The following ATOSA variants were observed in gnomAD, a reference collection of about 807,000 sequenced individuals.
ATOSA encodes the protein atos homolog A.
At chr15:52,709,472 A>G in the ATOSA span, among the ~76,000 whole-genome samples, 5 of 152,352 alleles carry the variant, frequency 3.3e-5, no homozygotes, top group East Asian at 9.6e-4. Flanking sequence ...TACTGGTTTA[A>G]AAACTACAAG....
At chr15:52,681,223 G>A in the ATOSA span, among the ~76,000 whole-genome samples, 1 of 152,088 alleles carries the variant, frequency 6.6e-6, no homozygotes, top group Non-Finnish European at 1.5e-5. Context: ...AAATCATTAT[G>A]GCAGCAGAAA....
the ATOSA span, among the ~76,000 whole-genome samples, chr15:52,661,068 A>T: frequency 6.6e-6 from 1 of 152,212 alleles, no homozygotes; most frequent in East Asian, 1.9e-4. Flanking sequence ...TAAAGAAAAA[A>T]ATTGTCCTCT....
At chr15:52,627,173 GT>G in the ATOSA span, among the ~76,000 whole-genome samples, 3 of 152,162 alleles carry the variant, frequency 2.0e-5, no homozygotes, top group Non-Finnish European at 4.4e-5. Flanking sequence ...TACTTTCAAA[GT>G]TGCAAAAGAA....
At chr15:52,677,894 CAT>C in the ATOSA span, 2 of 1,388,768 alleles carry the variant, frequency 1.4e-6, no homozygotes, top group South Asian at 2.3e-5. Context: ...CAGATAATCA[CAT>C]ATGATACAGA....
chr15:52,692,122 G>A, the ATOSA span, among the ~76,000 whole-genome samples: 1 of 151,976 alleles, frequency 6.6e-6, no homozygotes, highest in African/African-American at 2.4e-5. Context: ...TATAAACAGA[G>A]AAACAAAAAT....
the ATOSA span, among the ~76,000 whole-genome samples, chr15:52,705,723 A>T: frequency 6.6e-6 from 1 of 152,180 alleles, no homozygotes; most frequent in African/African-American, 2.4e-5. Flanking sequence ...GGGCTCTCTT[A>T]TCTTTAATGT....
the ATOSA span, among the ~76,000 whole-genome samples, chr15:52,659,202 G>A: frequency 6.6e-6 from 1 of 152,064 alleles, no homozygotes; most frequent in Non-Finnish European, 1.5e-5. Context: ...ACAAGTTTCT[G>A]AGGGCAGAGG....
At chr15:52,687,587 A>C in the ATOSA span, among the ~76,000 whole-genome samples, 2 of 152,372 alleles carry the variant, frequency 1.3e-5, no homozygotes, top group East Asian at 3.9e-4. Context: ...AGACAGGCAA[A>C]GTGGGGTAGG....
chr15:52,650,660 C>T, the ATOSA span, among the ~76,000 whole-genome samples: 1 of 152,084 alleles, frequency 6.6e-6, no homozygotes, highest in Admixed American at 6.6e-5. Context: ...AAAAGAACAA[C>T]AACAAAACCC....
the ATOSA span, among the ~76,000 whole-genome samples, chr15:52,595,958 T>A: frequency 1.9e-4 from 29 of 151,858 alleles, no homozygotes; most frequent in South Asian, 2.1e-4. Flanking sequence ...AAAAATTTTT[T>A]AAAAAATTAG....
At chr15:52,595,748 A>T in the ATOSA span, among the ~76,000 whole-genome samples, 1 of 152,208 alleles carries the variant, frequency 6.6e-6, no homozygotes, top group Admixed American at 6.5e-5. Flanking sequence ...TGAACAATTG[A>T]CAATTAATTT....
the ATOSA span, among the ~76,000 whole-genome samples, chr15:52,661,909 G>A: frequency 2.1e-5 from 2 of 96,336 alleles, no homozygotes; most frequent in East Asian, 6.5e-4. Flanking sequence ...AGTTATGCCA[G>A]CAGAAATCTT....
chr15:52,636,509 T>C, the ATOSA span, among the ~76,000 whole-genome samples: 2 of 152,166 alleles, frequency 1.3e-5, no homozygotes, highest in East Asian at 1.9e-4. Flanking sequence ...AGAAATGTTA[T>C]ATTCTTTATA....
the ATOSA span, among the ~76,000 whole-genome samples, chr15:52,588,894 T>A: frequency 6.6e-6 from 1 of 152,252 alleles, no homozygotes; most frequent in African/African-American, 2.4e-5. Flanking sequence ...GCCAAACTTA[T>A]GTAAAAGCAA....
At chr15:52,697,424 C>G in the ATOSA span, among the ~76,000 whole-genome samples, 1 of 152,184 alleles carries the variant, frequency 6.6e-6, no homozygotes, top group African/African-American at 2.4e-5. Context: ...CATGGAAGAA[C>G]CTATCTTACA....
chr15:52,613,879 G>C, the ATOSA span: 13 of 1,603,782 alleles, frequency 8.1e-6, 1 homozygote, highest in South Asian at 6.7e-5. Flanking sequence ...AAGGGGCAAA[G>C]GGTCCTCAAT....
At chr15:52,624,014 TTTTAA>T in the ATOSA span, among the ~76,000 whole-genome samples, 4 of 152,354 alleles carry the variant, frequency 2.6e-5, no homozygotes, top group Admixed American at 6.5e-5. Flanking sequence ...AATTACTAAA[TTTTAA>T]TTTGTTTTAA....
chr15:52,618,510 C>T, the ATOSA span, among the ~76,000 whole-genome samples: 8 of 152,034 alleles, frequency 5.3e-5, no homozygotes, highest in Non-Finnish European at 1.2e-4. Flanking sequence ...GGGGAAAGTG[C>T]AATGAGAGAG....
At chr15:52,640,255 C>T in the ATOSA span, among the ~76,000 whole-genome samples, 5 of 151,866 alleles carry the variant, frequency 3.3e-5, no homozygotes, top group African/African-American at 1.2e-4. Flanking sequence ...ACATATTACT[C>T]TTTTATCTTT....
Sources: gnomAD v4.1 joint callset for allele counts (sites outside exome capture counted in the v4.1 genomes callset) on GRCh38, gnomAD v4.1.1 for gene constraint, MANE v1.5 for transcripts, NCBI Gene and HGNC (gene_info 2026-07-23, HGNC 2026-07-21) for gene names.